Variants in DSCAM observed in about 807,000 individuals in gnomAD.
DSCAM encodes DS cell adhesion molecule.
DSCAM carries 47 observed loss-of-function variants against 217.7 expected under a neutral mutation model. That is an observed-to-expected ratio of 0.22 (90% confidence interval 0.17 to 0.28). The LOEUF is 0.28. Among genes scored for constraint, DSCAM ranks in the 10% least tolerant of loss-of-function variants. DSCAM has a pLI of 1.00. For missense variants in DSCAM, 2,080 were observed against 2,618.3 expected (o/e 0.79, Z 4.49); for synonymous variants, 1,056 against 1,015.3 (o/e 1.04, Z -0.76).
rs549778415 is a variant in DSCAM, at chr21:40,508,168, C to T, written c.509-138923G>A. ...ACTGATTTATTTAATTTCTGACTCACACTGTCAGGCAGGGAAGAAACCATG... is the reference window on the plus strand; with the variant it reads ...ACTGATTTATTTAATTTCTGACTCATACTGTCAGGCAGGGAAGAAACCATG... On this transcript the variant is annotated intron_variant, in intron 3 of 32. Coordinates refer to ENST00000400454, the MANE Select transcript of DSCAM (RefSeq NM_001389.5). Among the ~76,000 whole-genome samples, 100 of 152,314 alleles carry T rather than the reference C, an allele frequency of 6.6e-4. 4 individuals are homozygous for T. The South Asian group carries it at 0.019, about 29-fold the overall frequency.
chr21:40,184,747 G>A (rs567615199), intron 14 of DSCAM, among the ~76,000 whole-genome samples: 5 of 152,080 alleles, frequency 3.3e-5, no homozygotes, highest in Admixed American at 1.3e-4. Flanking sequence ...GGGTGCTGGG[G>A]ATCCCAGGAC....
intron 3 of DSCAM, among the ~76,000 whole-genome samples, chr21:40,576,190 A>G (rs1260261508): frequency 6.6e-6 from 1 of 152,242 alleles, no homozygotes; most frequent in Non-Finnish European, 1.5e-5. Flanking sequence ...ATCCCTGGAA[A>G]CAGCCCAAAA....
chr21:40,558,577 A>C (rs1193963612), intron 3 of DSCAM, among the ~76,000 whole-genome samples: 1 of 152,220 alleles, frequency 6.6e-6, no homozygotes, highest in African/African-American at 2.4e-5. Context: ...GCAAACGGAT[A>C]ATCAAATGAT....
At chr21:40,571,721 G>T (rs2076808288) in intron 3 of DSCAM, among the ~76,000 whole-genome samples, 1 of 152,088 alleles carries the variant, frequency 6.6e-6, no homozygotes, top group Non-Finnish European at 1.5e-5. Flanking sequence ...CATATTAAAG[G>T]TTGAGCATCC....
At chr21:40,713,882 C>A (rs1471311835) in intron 1 of DSCAM, among the ~76,000 whole-genome samples, 1 of 152,144 alleles carries the variant, frequency 6.6e-6, no homozygotes, top group Non-Finnish European at 1.5e-5. Context: ...TAGGCCTGGG[C>A]ACTCTCCGTG....
In DSCAM at chr21:40,049,227, C is replaced by T. The variant is rs118152306; in HGVS notation, c.5185+2731G>A. The stretch of plus-strand genomic sequence containing the variant: ...ATCTCAGCACTCTCAGAATGAAATG[C>T]ACCTGCCAGGCACTGGCTTAGGGGA... On this transcript the variant is annotated intron_variant, in intron 30 of 32. Coordinates refer to ENST00000400454, the MANE Select transcript of DSCAM (RefSeq NM_001389.5). Among the ~76,000 whole-genome samples the T allele has an allele frequency of 4.4e-3, 675 of 152,298 alleles. 3 individuals carry two copies. The highest frequency in any genetic ancestry group is 0.014 in the Middle Eastern group (4 of 294).
intron 1 of DSCAM, among the ~76,000 whole-genome samples, chr21:40,836,175 TC>T (rs995591603): frequency 6.6e-6 from 1 of 152,194 alleles, no homozygotes; most frequent in African/African-American, 2.4e-5. Context: ...CCAAATGGTT[TC>T]CCACTATGGA....
chr21:40,584,892 G>C (rs1305810984), intron 3 of DSCAM, among the ~76,000 whole-genome samples: 1 of 152,186 alleles, frequency 6.6e-6, no homozygotes, highest in Non-Finnish European at 1.5e-5. Context: ...AGTGGGAGGT[G>C]TTTGGGTCAT....
At chr21:40,329,612 CTAAATAAATAAATAAATAAA>C (rs141438568) in intron 8 of DSCAM, among the ~76,000 whole-genome samples, 47 of 135,174 alleles carry the variant, frequency 3.5e-4, no homozygotes, top group African/African-American at 4.4e-4. Context: ...GACTCCGTCT[CTAAATAAATAAATAAATAAA>C]TAAATAAATA....
chr21:40,599,471 G>A (rs2077046408), intron 3 of DSCAM, among the ~76,000 whole-genome samples: 1 of 152,094 alleles, frequency 6.6e-6, no homozygotes, highest in South Asian at 2.1e-4. Context: ...TGTTAAGAGG[G>A]AAATTTATAG....
intron 3 of DSCAM, among the ~76,000 whole-genome samples, chr21:40,588,590 A>C (rs2076962763): frequency 6.6e-6 from 1 of 152,216 alleles, no homozygotes; most frequent in Non-Finnish European, 1.5e-5. Flanking sequence ...CTATAGATTC[A>C]TAAAAAGTGA....
chr21:40,514,523 C>A (rs142330291), intron 3 of DSCAM, among the ~76,000 whole-genome samples: 1 of 152,140 alleles, frequency 6.6e-6, no homozygotes, highest in East Asian at 1.9e-4. Context: ...TTTGACATTG[C>A]ATAAAATGGA....
At chr21:40,315,821 T>C (rs1158867545) in intron 8 of DSCAM, among the ~76,000 whole-genome samples, 2 of 152,210 alleles carry the variant, frequency 1.3e-5, no homozygotes, top group African/African-American at 4.8e-5. Context: ...GTCAGTTATC[T>C]GATATCTTGG....
At chr21:40,471,841 T>C (rs1973861) in intron 3 of DSCAM, among the ~76,000 whole-genome samples, 31,590 of 152,170 alleles carry the variant, frequency 0.21, 4,022 homozygotes, top group African/African-American at 0.35. Context: ...ATGTGCACAA[T>C]GTGCAGGTTT....
In DSCAM at chr21:40,260,735, G is replaced by C. The variant is rs557766502; in HGVS notation, c.2356+15362C>G. ...TTTCAGCTGAGTTTGCAATAAGACT[G>C]GTCTAGTGGCCCTTGATGAAAGCAC... On this transcript the variant is annotated intron_variant, in intron 11 of 32. Coordinates refer to ENST00000400454, the MANE Select transcript of DSCAM (RefSeq NM_001389.5). Among the ~76,000 whole-genome samples, 3 of 152,266 alleles carry C rather than the reference G, an allele frequency of 2.0e-5. No homozygotes were observed. The South Asian group carries it at 6.2e-4, about 32-fold the overall frequency.
At chr21:40,441,353 T>C (rs2075628644) in intron 3 of DSCAM, among the ~76,000 whole-genome samples, 1 of 152,180 alleles carries the variant, frequency 6.6e-6, no homozygotes, top group Non-Finnish European at 1.5e-5. Context: ...CGAATAAGCA[T>C]AGAGCGTTGA....
At chr21:40,108,979 C>T (rs938430983) in intron 20 of DSCAM, among the ~76,000 whole-genome samples, 2 of 152,174 alleles carry the variant, frequency 1.3e-5, no homozygotes, top group African/African-American at 4.8e-5. Flanking sequence ...CCCTTCCTTA[C>T]ACGATATACA....
At chr21:40,506,202 T>C (rs2837664) in intron 3 of DSCAM, among the ~76,000 whole-genome samples, 13,251 of 152,302 alleles carry the variant, frequency 0.087, 677 homozygotes, top group Middle Eastern at 0.16. Context: ...GGCTTAGCTA[T>C]CAACTGATCT....
intron 3 of DSCAM, among the ~76,000 whole-genome samples, chr21:40,558,544 GT>G (rs1568903764): frequency 6.6e-6 from 1 of 152,128 alleles, no homozygotes; most frequent in Non-Finnish European, 1.5e-5. Context: ...AGTGAATTAT[GT>G]TTTAAATAAA....
Sources: allele counts gnomAD v4.1 joint callset (sites outside exome capture counted in the v4.1 genomes callset), GRCh38; gene constraint gnomAD v4.1.1; transcripts MANE v1.5; gene names NCBI Gene and HGNC (gene_info 2026-07-23, HGNC 2026-07-21).